The following PPP1R37 variants were observed in gnomAD, a reference collection of about 807,000 sequenced individuals.
The protein encoded by PPP1R37 is protein phosphatase 1 regulatory subunit 37.
In PPP1R37, 21 loss-of-function variants were observed where a neutral mutation model predicts 61.0. The observed-to-expected ratio is 0.34, with a 90% CI of 0.24 to 0.50. The LOEUF (loss-of-function observed/expected upper bound fraction) is 0.50, where lower values mean the gene tolerates loss of function less well. PPP1R37 is among the 20% of genes least tolerant of loss of function. PPP1R37 has a pLI of 0.98. For synonymous variants in PPP1R37, 443 were observed against 433.5 expected (o/e 1.02, Z -0.27); for missense variants, 910 against 952.7 (o/e 0.96, Z 0.59).
intron 1 of PPP1R37, among the ~76,000 whole-genome samples, chr19:45,127,974 CAAA>C (rs35001139): frequency 3.2e-5 from 2 of 61,852 alleles, no homozygotes; most frequent in Admixed American, 1.8e-4. Flanking sequence ...GACTCCATCT[CAAA>C]AAAAAAAAAA....
At position 45,106,807 on chromosome 19, in the gene PPP1R37, C is replaced by CTTTTT. The variant is rs927426410; in HGVS notation, c.202+13303_202+13307dup. 7.7e-5 allele frequency among the ~76,000 whole-genome samples: 6 copies of CTTTTT among 78,112 alleles called. 1 individual carries two copies. The highest frequency in any genetic ancestry group is 4.3e-4 in the South Asian group (1 of 2,342). 51.2% of individuals were successfully genotyped at this position (78,112 alleles called of 152,430 possible). On this transcript the variant is annotated intron_variant, in intron 1 of 12. Transcript: ENST00000221462. The stretch of plus-strand genomic sequence containing the variant: ...CCTTATGGCTAATGATGTTGAGCAT[C>CTTTTT]TTTTTTTTTTTTTTTTTTTTTTTTT...
At chr19:45,105,455 C>T (rs930846434) in intron 1 of PPP1R37, among the ~76,000 whole-genome samples, 8 of 152,080 alleles carry the variant, frequency 5.3e-5, no homozygotes, top group African/African-American at 9.7e-5. Flanking sequence ...GGACACCGCA[C>T]CATTTAGGGA....
intron 1 of PPP1R37, among the ~76,000 whole-genome samples, chr19:45,113,820 C>G (rs1038540232): frequency 6.6e-6 from 1 of 152,228 alleles, no homozygotes; most frequent in African/African-American, 2.4e-5. Flanking sequence ...TCGGCACCAT[C>G]AGGTGCCCAG....
At chr19:45,100,799 C>T (rs1048909803) in intron 1 of PPP1R37, among the ~76,000 whole-genome samples, 7 of 152,052 alleles carry the variant, frequency 4.6e-5, no homozygotes, top group African/African-American at 1.7e-4. Context: ...TTGGTGGGCA[C>T]GCAGGAGGGG....
At chr19:45,101,795 A>G (rs929225481) in intron 1 of PPP1R37, among the ~76,000 whole-genome samples, 9 of 152,314 alleles carry the variant, frequency 5.9e-5, no homozygotes, top group African/African-American at 1.9e-4. Context: ...TGAGACTGAG[A>G]CAGGGAGGCC....
At chr19:45,093,658 T>A (rs377655414) in intron 1 of PPP1R37, 131 bp downstream of exon 1, 8 of 623,258 alleles carry the variant, frequency 1.3e-5, no homozygotes, top group African/African-American at 1.9e-5. Context: ...CAGTCGTCAG[T>A]TTAGAACCGT....
intron 1 of PPP1R37, among the ~76,000 whole-genome samples, chr19:45,125,441 G>A (rs1288770202): frequency 6.6e-6 from 1 of 152,248 alleles, no homozygotes; most frequent in South Asian, 2.1e-4. Context: ...CCAGCCTGGC[G>A]ACAGCGAGAC....
chr19:45,098,538 A>T (rs1968022606), intron 1 of PPP1R37, among the ~76,000 whole-genome samples: 1 of 152,156 alleles, frequency 6.6e-6, no homozygotes, highest in African/African-American at 2.4e-5. Context: ...TTTGCCCACT[A>T]GGAAGCTACT....
At chr19:45,114,166 C>T (rs1216257343) in intron 1 of PPP1R37, among the ~76,000 whole-genome samples, 1 of 152,222 alleles carries the variant, frequency 6.6e-6, no homozygotes, top group Admixed American at 6.5e-5. Flanking sequence ...CATGAAGGGT[C>T]GAGAGCCATT....
At position 45,145,624 on chromosome 19, in the gene PPP1R37, G is replaced by A. The variant is rs779606525; in HGVS notation, c.1568G>A (p.Arg523Lys). Reference protein sequence around the residue: ...GEEEEEEEGERDETPCPALVP... With the variant: ...GEEEEEEEGEKDETPCPALVP... Reference sequence around the variant, plus strand: ...GAAGAGGAGGAAGAGGAAGGGGAGAGGGACGAGACCCCCTGTCCTGCCCTG... The same window carrying A: ...GAAGAGGAGGAAGAGGAAGGGGAGAAGGACGAGACCCCCTGTCCTGCCCTG... The change falls in exon 11 of 13, where the codon AGG (arginine) becomes AAG (lysine). Residue 523 changes from arginine to lysine, a missense_variant. Around this residue, in one of 3 missense-constraint regions of PPP1R37, gnomAD observed 549 missense variants for 505.1 expected, o/e 1.09. Coordinates refer to ENST00000221462, the MANE Select transcript of PPP1R37 (RefSeq NM_019121.2). 2 of 1,536,056 alleles carry A rather than the reference G, an allele frequency of 1.3e-6. No individual in the cohort carries two copies. The highest frequency in any genetic ancestry group is 1.2e-5 in the South Asian group (1 of 84,068).
chr19:45,093,315 C>G lies in PPP1R37; in HGVS notation c.-11C>G. The stretch of plus-strand genomic sequence containing the variant: ...TGTCCCCGGGGCCCCCGTGAGGAGG[C>G]GGCGGCGGCTATGGAGATCGCGCCG... On this transcript the variant is annotated 5_prime_UTR_variant, in exon 1 of 13. Coordinates refer to ENST00000221462, the MANE Select transcript of PPP1R37 (RefSeq NM_019121.2). The G allele has an allele frequency of 7.2e-7, 1 of 1,397,148 alleles. No homozygotes were observed. Among genetic ancestry groups the G allele is most frequent in the Non-Finnish European group, 9.3e-7 (1 of 1,080,158 alleles). 86.5% of individuals were successfully genotyped at this position (1,397,148 alleles called of 1,614,324 possible). A position where few individuals can be genotyped will look rare whatever the true frequency, so the allele number is the denominator to read the frequency against.
chr19:45,108,107 A>G (rs1038371620), intron 1 of PPP1R37, among the ~76,000 whole-genome samples: 2 of 152,176 alleles, frequency 1.3e-5, no homozygotes, highest in Admixed American at 1.3e-4. Flanking sequence ...CTGTGCCCAC[A>G]TTGGACAGTG....
intron 1 of PPP1R37, chr19:45,128,498 G>T (rs1197138962): frequency 7.7e-6 from 7 of 906,628 alleles, no homozygotes; most frequent in Non-Finnish European, 9.9e-6. Flanking sequence ...AGAGGCAGCG[G>T]TTGGGTTTGC....
At chr19:45,135,467 G>A (rs547906776) in intron 1 of PPP1R37, among the ~76,000 whole-genome samples, 2 of 152,348 alleles carry the variant, frequency 1.3e-5, no homozygotes, top group South Asian at 2.1e-4. Context: ...CTCCACAAAC[G>A]ATTTAGTTCC....
intron 1 of PPP1R37, among the ~76,000 whole-genome samples, chr19:45,110,693 A>C (rs1968189136): frequency 6.6e-6 from 1 of 152,168 alleles, no homozygotes; most frequent in Non-Finnish European, 1.5e-5. Flanking sequence ...ATTAGTTCCC[A>C]AACAGACCTC....
At chr19:45,123,360 C>T (rs964686385) in intron 1 of PPP1R37, among the ~76,000 whole-genome samples, 1 of 152,218 alleles carries the variant, frequency 6.6e-6, no homozygotes, top group African/African-American at 2.4e-5. Context: ...AAGAAACCTA[C>T]GAGCGCATCC....
chr19:45,106,580 G>C (rs886068634), intron 1 of PPP1R37, among the ~76,000 whole-genome samples: 3 of 152,060 alleles, frequency 2.0e-5, no homozygotes, highest in African/African-American at 4.8e-5. Context: ...CTGTCGCCCA[G>C]GCTGGAGTGC....
chr19:45,093,734 C>T (rs1967954924), intron 1 of PPP1R37, among the ~76,000 whole-genome samples: 1 of 152,090 alleles, frequency 6.6e-6, no homozygotes, highest in Admixed American at 6.5e-5. Flanking sequence ...CTGCCGCACC[C>T]CACCCACCCG....
Position 45,115,784 on chromosome 19 carries a change from G to T in PPP1R37, c.202+22257G>T, listed in dbSNP as rs560889342. 4.6e-5 allele frequency among the ~76,000 whole-genome samples: 7 copies of T among 152,202 alleles called. 1 individual carries two copies. Among genetic ancestry groups the T allele is most frequent in the African/African-American group, 1.7e-4 (7 of 41,532 alleles). On this transcript the variant is annotated intron_variant, in intron 1 of 12. Coordinates refer to ENST00000221462, the MANE Select transcript of PPP1R37 (RefSeq NM_019121.2). ...GAGGTCCGGAGTTCGAGACCAGCCT[G>T]GCCAACATGGTGAAACCCCGTCTCT... is the stretch of plus-strand genomic sequence containing the variant.
Sources: allele counts gnomAD v4.1 joint callset (sites outside exome capture counted in the v4.1 genomes callset), GRCh38; gene constraint gnomAD v4.1.1; regional missense constraint gnomAD v4.1.1; transcripts MANE v1.5; gene names NCBI Gene and HGNC (gene_info 2026-07-23, HGNC 2026-07-21).